Variants in CENPN observed in about 807,000 individuals in gnomAD.
The protein encoded by CENPN is centromere protein N, also known as interphase centromere complex protein 32.
CENPN carries 36 observed loss-of-function variants against 48.6 expected under a neutral mutation model. The ratio of observed to expected loss-of-function variants is 0.74; its 90% confidence interval spans 0.57 to 0.98. CENPN has a LOEUF of 0.98. Ranked by LOEUF, CENPN falls within the 50% of genes least tolerant of loss-of-function variation. CENPN has a pLI of 0.00. For synonymous variants in CENPN, 166 were observed against 135.2 expected, an observed-to-expected ratio of 1.23 and a Z score of -1.58; for missense variants, 439 against 399.2, an observed-to-expected ratio of 1.10 and a Z score of -0.85.
At chr16:81,017,525 G>C in intron 4 of CENPN, 140 bp downstream of exon 4, 2 of 692,710 alleles carry the variant, frequency 2.9e-6, no homozygotes, top group Non-Finnish European at 2.5e-6. Flanking sequence ...AAAAAAAATA[G>C]CAGTATGTTC....
Position 81,028,840 on chromosome 16 carries a change from T to C in CENPN, c.*189T>C. The C allele has an allele frequency of 1.5e-6, 2 of 1,367,712 alleles. No homozygotes were observed. The highest frequency in any genetic ancestry group is 1.9e-6 in the Non-Finnish European group (2 of 1,066,008). 84.7% of individuals were successfully genotyped at this position (1,367,712 alleles called of 1,614,324 possible). On this transcript the variant is annotated 3_prime_UTR_variant, in exon 11 of 11. Coordinates refer to ENST00000305850, the MANE Select transcript of CENPN (RefSeq NM_001100624.3). ...TCCACGATATGCCTCCTCTCTCTGA[T>C]ATCCTGCTAACTGTAGCCGTTGTGG...
chr16:81,030,114 A>C lies in CENPN; in HGVS notation c.*1463A>C. The C allele has an allele frequency of 1.3e-6, 1 of 748,204 alleles. No individual in the cohort carries two copies. The allele number at this position is 748,204 out of a possible 1,614,324, so 46.3% of individuals were successfully genotyped here. A position where few individuals can be genotyped will look rare whatever the true frequency, so the allele number is the denominator to read the frequency against. ...GAATAGTATGGGGGAAATCGTTCCC[A>C]TGACTCAAGTATCTCCACCTGGCCC... On this transcript the variant is annotated 3_prime_UTR_variant, in exon 11 of 11. Transcript: ENST00000305850.
In CENPN at chr16:81,018,140, C is replaced by T. The variant is rs146081214; in HGVS notation, c.354+306C>T. ...GCCACATGTAGCTGCTGAGCACTTG[C>T]GGCTAGTGTGACTGAGCAGCTGAAT... On this transcript the variant is annotated intron_variant, in intron 5 of 10. Coordinates refer to ENST00000305850, the MANE Select transcript of CENPN (RefSeq NM_001100624.3). 2.2e-3 allele frequency among the ~76,000 whole-genome samples: 337 copies of T among 152,004 alleles called. 1 individual carries two copies. The highest frequency in any genetic ancestry group is 7.8e-3 in the African/African-American group (325 of 41,468).
At chr16:81,007,503 G>C (rs980802039) in intron 1 of CENPN, 1 of 152,310 alleles carries the variant, frequency 6.6e-6, no homozygotes, top group Non-Finnish European at 1.5e-5. Flanking sequence ...GGTGGGGCGG[G>C]TGGAGCCTTT....
At chr16:81,010,470 G>C (rs2151674798) in intron 1 of CENPN, among the ~76,000 whole-genome samples, 1 of 152,308 alleles carries the variant, frequency 6.6e-6, no homozygotes, top group Admixed American at 6.5e-5. Flanking sequence ...GGACCTTATA[G>C]ACAATTAAGG....
At chr16:81,032,464 C>G (rs924125911), downstream of CENPN, 7 of 1,163,784 alleles carry the variant, frequency 6.0e-6, no homozygotes, top group Non-Finnish European at 8.5e-6. Flanking sequence ...GGAATCATCA[C>G]TCTGATGCCT....
At chr16:81,028,116 A>G in intron 9 of CENPN, 55 bp from the exon 10 acceptor site, 1 of 1,269,616 alleles carries the variant, frequency 7.9e-7, no homozygotes, top group Non-Finnish European at 1.1e-6. Context: ...ATTATATTTT[A>G]CCATTCGTAT....
At chr16:81,032,918 C>G (rs1970828761), downstream of CENPN, 2 of 392,476 alleles carry the variant, frequency 5.1e-6, no homozygotes, top group South Asian at 1.0e-4. Context: ...CTAAGGGGAA[C>G]AGATAACTAA....
intron 3 of CENPN, chr16:81,016,947 A>G (rs1213624552): frequency 4.2e-6 from 1 of 238,642 alleles, no homozygotes; most frequent in African/African-American, 2.4e-5. Flanking sequence ...AGGAGCTAGG[A>G]GAAGAGGCTC....
intron 8 of CENPN, 83 bp downstream of exon 8, chr16:81,024,861 G>C (rs1402733332): frequency 1.1e-5 from 9 of 836,740 alleles, no homozygotes; most frequent in Non-Finnish European, 1.7e-5. Flanking sequence ...AACGTGTATA[G>C]TAGGATCCTA....
chr16:81,014,208 C>T (rs368048901), intron 3 of CENPN, 27 bp downstream of exon 3: 2 of 1,595,042 alleles, frequency 1.3e-6, no homozygotes, highest in Middle Eastern at 1.7e-4. Flanking sequence ...TGTATTTATA[C>T]TTAACCAATC....
intron 4 of CENPN, 153 bp from the exon 5 acceptor site, chr16:81,017,605 G>A (rs1026366730): frequency 2.3e-5 from 16 of 683,564 alleles, no homozygotes; most frequent in Non-Finnish European, 2.3e-5. Context: ...ACTTCTTGGT[G>A]CCATGTCAGA....
chr16:81,021,391 A>G (rs372073716), intron 6 of CENPN, among the ~76,000 whole-genome samples: 1 of 152,044 alleles, frequency 6.6e-6, no homozygotes, highest in African/African-American at 2.4e-5. Context: ...TCACAACCTC[A>G]GTGGCACCTT....
chr16:81,027,109 A>C (rs983547893), intron 9 of CENPN, among the ~76,000 whole-genome samples: 3 of 152,006 alleles, frequency 2.0e-5, no homozygotes, highest in South Asian at 4.2e-4. Flanking sequence ...TAAGTTGATA[A>C]TTATTTTACC....
In CENPN at chr16:81,028,987, T is replaced by C. The variant is rs1340171137; in HGVS notation, c.*336T>C. 1.0e-6 allele frequency: 1 copy of C among 1,004,996 alleles called. No homozygotes were observed. Among genetic ancestry groups the C allele is most frequent in the African/African-American group, 1.7e-5 (1 of 57,878 alleles). 62.3% of individuals were successfully genotyped at this position (1,004,996 alleles called of 1,614,324 possible). A position where few individuals can be genotyped will look rare whatever the true frequency, so the allele number is the denominator to read the frequency against. The stretch of plus-strand genomic sequence containing the variant: ...TTTTGGGTTTGTGTCCTTTTTTCTA[T>C]GGCTGTCTCTTCTCAATTCTGGAGA... On this transcript the variant is annotated 3_prime_UTR_variant, in exon 11 of 11. Coordinates refer to ENST00000305850, the MANE Select transcript of CENPN (RefSeq NM_001100624.3).
rs1044131936 is a variant in CENPN, at chr16:81,029,827, A to G, written c.*1176A>G. 3.3e-5 allele frequency among the ~76,000 whole-genome samples: 5 copies of G among 152,176 alleles called. No homozygotes were observed. The highest frequency in any genetic ancestry group is 1.2e-4 in the African/African-American group (5 of 41,432). On this transcript the variant is annotated 3_prime_UTR_variant, in exon 11 of 11. Coordinates refer to ENST00000305850, the MANE Select transcript of CENPN (RefSeq NM_001100624.3). ...TGGGCTCAAGCAATCTGCCCATTTT[A>G]GCCTCCTAAAATGCTGGGATTATAG...
rs929451033 is a variant in CENPN, at chr16:81,022,577, T to C, written c.532-20T>C. The C allele has an allele frequency of 6.2e-6, 10 of 1,604,594 alleles. No homozygotes were observed. The highest frequency in any genetic ancestry group is 1.3e-5 in the African/African-American group (1 of 74,716). ...AGAGGCAGTAATCCTAGTAATAGTC[T>C]TGCAAATTTTCATTTCAAGGCGCTG... On this transcript the variant is annotated intron_variant, in intron 6 of 10. Coordinates refer to ENST00000305850, the MANE Select transcript of CENPN (RefSeq NM_001100624.3).
At chr16:81,018,410 A>G (rs917803646) in intron 5 of CENPN, among the ~76,000 whole-genome samples, 1 of 151,944 alleles carries the variant, frequency 6.6e-6, no homozygotes, top group African/African-American at 2.4e-5. Context: ...CTAACCTCAG[A>G]TGATCTGCCT....
chr16:81,019,914 T>TAA (rs1171893296), intron 5 of CENPN, among the ~76,000 whole-genome samples, 186 bp from the exon 6 acceptor site: 7 of 149,482 alleles, frequency 4.7e-5, no homozygotes, highest in African/African-American at 1.5e-4. Flanking sequence ...TTTTTTTTTT[T>TAA]AAAATCACAA....
Sources: gnomAD v4.1 joint callset for allele counts (sites outside exome capture counted in the v4.1 genomes callset) on GRCh38, gnomAD v4.1.1 for gene constraint, MANE v1.5 for transcripts, NCBI Gene and HGNC (gene_info 2026-07-23, HGNC 2026-07-21) for gene names.